PHF24: variants seen among roughly 807,000 people sequenced by gnomAD.
The protein encoded by PHF24 is PHD finger protein 24.
A neutral mutation model predicts 42.6 loss-of-function variants in PHF24; 25 were observed. The ratio of observed to expected loss-of-function variants is 0.59; its 90% CI spans 0.43 to 0.82. The LOEUF is 0.82. Among genes scored for constraint, PHF24 ranks in the 40% least tolerant of loss-of-function variants. PHF24 has a pLI of 0.00. For synonymous variants in PHF24, 185 were observed against 204.8 expected, an observed-to-expected ratio of 0.90 and a Z score of 0.83; for missense variants, 470 against 538.1, an observed-to-expected ratio of 0.87 and a Z score of 1.25.
intron 1 of PHF24, among the ~76,000 whole-genome samples, chr9:34,966,713 C>G (rs1826785271): frequency 6.6e-6 from 1 of 151,936 alleles, no homozygotes. Context: ...TTTTAAGAGA[C>G]AGGGTCTCAC....
the PHF24 span, among the ~76,000 whole-genome samples, chr9:34,940,927 C>T: frequency 6.6e-6 from 1 of 152,168 alleles, no homozygotes; most frequent in Non-Finnish European, 1.5e-5. Context: ...ACACAAGGAG[C>T]CTGAAATGCC....
chr9:34,828,825 C>T, the PHF24 span, among the ~76,000 whole-genome samples: 4 of 152,124 alleles, frequency 2.6e-5, no homozygotes, highest in African/African-American at 9.7e-5. Flanking sequence ...CTTTTATTCC[C>T]AGTTAACTTT....
chr9:34,846,052 A>G, the PHF24 span, among the ~76,000 whole-genome samples: 16 of 152,144 alleles, frequency 1.1e-4, no homozygotes, highest in African/African-American at 3.9e-4. Context: ...TAGTGCTGCA[A>G]TAAACATACG....
At chr9:34,678,004 G>A in the PHF24 span, 1 of 152,192 alleles carries the variant, frequency 6.6e-6, no homozygotes, top group East Asian at 1.9e-4. Context: ...TGTTGCCAAA[G>A]GAGATTAACA....
chr9:34,977,404 A>G (rs1827234847), intron 6 of PHF24, 142 bp from the exon 7 acceptor site: 4 of 1,182,124 alleles, frequency 3.4e-6, no homozygotes, highest in Non-Finnish European at 4.9e-6. Context: ...AGGGCATAGG[A>G]CAGCCTCTGC....
chr9:34,942,924 A>C, the PHF24 span, among the ~76,000 whole-genome samples: 3,187 of 152,246 alleles, frequency 0.021, 43 homozygotes, highest in Non-Finnish European at 0.025. Context: ...GGGTGCAGCA[A>C]ACCAACATGG....
chr9:34,679,700 C>G, the PHF24 span, among the ~76,000 whole-genome samples: 1 of 151,902 alleles, frequency 6.6e-6, no homozygotes, highest in Admixed American at 6.6e-5. Flanking sequence ...GGTGACAGAG[C>G]GAGACGCCTT....
the PHF24 span, among the ~76,000 whole-genome samples, chr9:34,852,045 A>T: frequency 6.6e-6 from 1 of 152,082 alleles, no homozygotes; most frequent in African/African-American, 2.4e-5. Context: ...CACCCCTGAG[A>T]CAGCAAGACC....
At chr9:34,866,254 C>T in the PHF24 span, among the ~76,000 whole-genome samples, 2 of 152,200 alleles carry the variant, frequency 1.3e-5, no homozygotes, top group African/African-American at 4.8e-5. Flanking sequence ...CCTGTTTCTA[C>T]CCAGCACTAA....
At chr9:34,720,429 G>A in the PHF24 span, among the ~76,000 whole-genome samples, 3 of 147,466 alleles carry the variant, frequency 2.0e-5, no homozygotes, top group Middle Eastern at 3.5e-3. Context: ...TCCGGCCTGG[G>A]CGACAGAGCG....
upstream of PHF24, among the ~76,000 whole-genome samples, chr9:34,954,178 G>A (rs570441954): frequency 3.3e-5 from 5 of 152,222 alleles, no homozygotes; most frequent in Middle Eastern, 3.4e-3. Flanking sequence ...ACACACAAAG[G>A]ATGGAAGGAT....
chr9:34,822,915 G>A, the PHF24 span, among the ~76,000 whole-genome samples: 6 of 152,120 alleles, frequency 3.9e-5, no homozygotes, highest in South Asian at 2.1e-4. Flanking sequence ...AAGATTGTCC[G>A]GCCGGGCGCG....
the PHF24 span, among the ~76,000 whole-genome samples, chr9:34,716,398 A>G: frequency 6.6e-6 from 1 of 152,102 alleles, no homozygotes; most frequent in African/African-American, 2.4e-5. Context: ...ATCTTAGATG[A>G]GGATTGTGTT....
At chr9:34,675,320 G>A in the PHF24 span, among the ~76,000 whole-genome samples, 1 of 152,316 alleles carries the variant, frequency 6.6e-6, no homozygotes, top group African/African-American at 2.4e-5. Flanking sequence ...AATGGAGTGT[G>A]TGGTTCCTGG....
the PHF24 span, among the ~76,000 whole-genome samples, chr9:34,904,904 A>C: frequency 6.6e-6 from 1 of 151,158 alleles, no homozygotes; most frequent in Admixed American, 6.6e-5. Flanking sequence ...TAGTTTATGC[A>C]CTCACAGCAC....
At chr9:34,837,376 CTG>C in the PHF24 span, 7 of 396,340 alleles carry the variant, frequency 1.8e-5, no homozygotes, top group African/African-American at 1.2e-4. Flanking sequence ...GCAAACAAGA[CTG>C]AGAGATGAAG....
At chr9:34,755,682 G>C in the PHF24 span, among the ~76,000 whole-genome samples, 13 of 152,040 alleles carry the variant, frequency 8.6e-5, no homozygotes, top group Admixed American at 7.2e-4. Flanking sequence ...GTCTTGCTCT[G>C]TTGCCCAAGC....
the PHF24 span, among the ~76,000 whole-genome samples, chr9:34,817,851 AGACT>A: frequency 6.6e-6 from 1 of 152,214 alleles, no homozygotes; most frequent in Admixed American, 6.5e-5. Flanking sequence ...TATCTATTGA[AGACT>A]ATTGTTGAAA....
At chr9:34,699,307 A>G in the PHF24 span, among the ~76,000 whole-genome samples, 1 of 152,224 alleles carries the variant, frequency 6.6e-6, no homozygotes, top group African/African-American at 2.4e-5. Flanking sequence ...TAGCTGGAAG[A>G]GACAGCTGAT....
Sources: allele counts gnomAD v4.1 joint callset (sites outside exome capture counted in the v4.1 genomes callset), GRCh38; gene constraint gnomAD v4.1.1; transcripts MANE v1.5; gene names NCBI Gene and HGNC (gene_info 2026-07-23, HGNC 2026-07-21).